The following MCUB variants were observed in gnomAD, a reference collection of about 807,000 sequenced individuals.
MCUB encodes calcium uniporter regulatory subunit MCUb, mitochondrial.
Under a neutral mutation model 41.4 loss-of-function variants are expected in MCUB, and 46 were observed. The ratio of observed to expected loss-of-function variants is 1.11; its 90% confidence interval spans 0.88 to 1.42. MCUB has a LOEUF of 1.42. Among genes scored for constraint, MCUB ranks in the 40% most tolerant of loss-of-function variants. The pLI is 0.00. For missense variants in MCUB, 403 were observed against 404.9 expected (o/e 1.00, Z 0.04); for synonymous variants, 148 against 148.2 (o/e 1.00, Z 0.01).
chr4:109,658,514 C>T lies in MCUB; in HGVS notation c.100-497C>T, dbSNP rs1312916227. Among the ~76,000 whole-genome samples, 5 of 152,158 alleles carry T rather than the reference C, an allele frequency of 3.3e-5. No homozygotes were observed. The East Asian group carries it at 7.7e-4, about 24-fold the overall frequency. ...GTTTCTCCATGTTGGTCAGGCTGGT[C>T]GCGAACTCCTGACCTCAGGTGATTC... On this transcript the variant is annotated intron_variant, in intron 1 of 7. Coordinates refer to ENST00000394650, the MANE Select transcript of MCUB (RefSeq NM_017918.5).
intron 1 of MCUB, among the ~76,000 whole-genome samples, chr4:109,619,293 G>A (rs1392374707): frequency 1.3e-5 from 2 of 152,012 alleles, no homozygotes; most frequent in Non-Finnish European, 2.9e-5. Flanking sequence ...TGTCTGGGCT[G>A]GTGTCGAACT....
intron 7 of MCUB, among the ~76,000 whole-genome samples, 175 bp from the exon 8 acceptor site, chr4:109,687,340 C>G (rs1331049404): frequency 6.6e-6 from 1 of 152,096 alleles, no homozygotes; most frequent in African/African-American, 2.4e-5. Flanking sequence ...GCCTGGGTGA[C>G]AGAATGAAAC....
In MCUB at chr4:109,664,745, G is replaced by A. The variant is rs368721326; in HGVS notation, c.451+351G>A. 5.9e-5 allele frequency among the ~76,000 whole-genome samples: 9 copies of A among 152,258 alleles called. No homozygotes were observed. The East Asian group carries it at 1.5e-3, about 26-fold the overall frequency. Reference sequence around the variant, plus strand: ...ACCAAGAAGTCTTTGGAAAACCAGTGTTTAAGCTTTTCCAGCAGGGGTATA... The same window carrying A: ...ACCAAGAAGTCTTTGGAAAACCAGTATTTAAGCTTTTCCAGCAGGGGTATA... On this transcript the variant is annotated intron_variant, in intron 4 of 7. Transcript: ENST00000394650.
At chr4:109,596,431 G>C (rs1727556296) in intron 1 of MCUB, among the ~76,000 whole-genome samples, 1 of 147,834 alleles carries the variant, frequency 6.8e-6, no homozygotes, top group African/African-American at 2.5e-5. Flanking sequence ...CCATTAGCTG[G>C]GGGAGCCCAT....
At chr4:109,649,831 C>T (rs961695567) in intron 1 of MCUB, among the ~76,000 whole-genome samples, 1 of 152,106 alleles carries the variant, frequency 6.6e-6, no homozygotes, top group Non-Finnish European at 1.5e-5. Flanking sequence ...GCCTCAGCCT[C>T]CCAAAGTGTT....
intron 4 of MCUB, among the ~76,000 whole-genome samples, chr4:109,667,113 G>T: frequency 6.6e-6 from 1 of 152,066 alleles, no homozygotes; most frequent in Non-Finnish European, 1.5e-5. Flanking sequence ...GAATGAGTTA[G>T]GAAGTATTCC....
At chr4:109,643,841 CTGTAGT>C (rs1728772784) in intron 1 of MCUB, among the ~76,000 whole-genome samples, 1 of 152,220 alleles carries the variant, frequency 6.6e-6, no homozygotes, top group Non-Finnish European at 1.5e-5. Flanking sequence ...GCCATCCAGT[CTGTAGT>C]ACATTGCTAC....
At chr4:109,623,874 C>T (rs1228582074) in intron 1 of MCUB, among the ~76,000 whole-genome samples, 1 of 152,106 alleles carries the variant, frequency 6.6e-6, no homozygotes, top group Non-Finnish European at 1.5e-5. Context: ...TTTAGAGAGA[C>T]AGTCTTGTTC....
intron 1 of MCUB, among the ~76,000 whole-genome samples, chr4:109,589,695 C>T (rs1015982535): frequency 6.6e-6 from 1 of 152,128 alleles, no homozygotes; most frequent in Non-Finnish European, 1.5e-5. Context: ...GGTTTTTTCT[C>T]TCTCTCTCCT....
chr4:109,599,321 G>T (rs77414752), intron 1 of MCUB, among the ~76,000 whole-genome samples: 281 of 148,864 alleles, frequency 1.9e-3, no homozygotes, highest in African/African-American at 6.3e-3. Flanking sequence ...AGCCTCCTTT[G>T]GCTGTGTGTC....
At chr4:109,592,054 C>A (rs197232) in intron 1 of MCUB, among the ~76,000 whole-genome samples, 54,020 of 151,992 alleles carry the variant, frequency 0.36, 11,494 homozygotes, top group South Asian at 0.54. Flanking sequence ...GTTTCTCTTT[C>A]TGCTGTTTTA....
intron 1 of MCUB, among the ~76,000 whole-genome samples, chr4:109,592,799 T>G (rs189876512): frequency 3.7e-4 from 57 of 152,332 alleles, no homozygotes; most frequent in Non-Finnish European, 6.9e-4. Context: ...ACAGACCTAT[T>G]AACTCATACT....
intron 1 of MCUB, among the ~76,000 whole-genome samples, chr4:109,606,699 T>A (rs1420484643): frequency 6.6e-6 from 1 of 152,206 alleles, no homozygotes; most frequent in Non-Finnish European, 1.5e-5. Context: ...TTTAACTTAT[T>A]GTTTCTATTT....
intron 1 of MCUB, among the ~76,000 whole-genome samples, chr4:109,643,727 C>T (rs911324701): frequency 2.0e-5 from 3 of 152,034 alleles, no homozygotes; most frequent in Non-Finnish European, 4.4e-5. Context: ...TGGTGTAGAA[C>T]TCCTGACCTC....
In MCUB at chr4:109,675,101, AAAAG is replaced by A. The variant is rs201020047; in HGVS notation, c.452-7477_452-7474del. Among the ~76,000 whole-genome samples the A allele has an allele frequency of 3.7e-3, 570 of 152,354 alleles. 17 individuals carry two copies. In the South Asian group the frequency reaches 0.06, roughly 16 times the overall value. On this transcript the variant is annotated intron_variant, in intron 4 of 7. Coordinates refer to ENST00000394650, the MANE Select transcript of MCUB (RefSeq NM_017918.5). ...TAAGTGACCCATGTCAAAAAGAAAA[AAAAG>A]AAAAGGAAAAGAATAATTCTCTCTC...
intron 1 of MCUB, among the ~76,000 whole-genome samples, chr4:109,577,598 C>CT (rs71594195): frequency 0.025 from 1,236 of 48,666 alleles, 422 homozygotes; most frequent in African/African-American, 0.038. Context: ...TACTTGAATT[C>CT]TTTTTTTTTT....
At chr4:109,635,240 G>C (rs147513579) in intron 1 of MCUB, among the ~76,000 whole-genome samples, 20 of 152,202 alleles carry the variant, frequency 1.3e-4, no homozygotes, top group African/African-American at 4.1e-4. Flanking sequence ...CTTTGCTATT[G>C]TGAACAATGC....
At chr4:109,678,036 C>T (rs1172910644) in intron 4 of MCUB, among the ~76,000 whole-genome samples, 1 of 151,842 alleles carries the variant, frequency 6.6e-6, no homozygotes, top group Non-Finnish European at 1.5e-5. Context: ...AGTATGCTGC[C>T]TTCAGGCATC....
intron 1 of MCUB, among the ~76,000 whole-genome samples, chr4:109,646,401 CT>C (rs1230837247): frequency 4.6e-5 from 7 of 152,144 alleles, no homozygotes; most frequent in Admixed American, 4.6e-4. Flanking sequence ...TCAATTCTAC[CT>C]GCATACTTTT....
Sources: gnomAD v4.1 joint callset for allele counts (sites outside exome capture counted in the v4.1 genomes callset) on GRCh38, gnomAD v4.1.1 for gene constraint, MANE v1.5 for transcripts, NCBI Gene and HGNC (gene_info 2026-07-23, HGNC 2026-07-21) for gene names.